ATP2B4: variants seen among roughly 807,000 people sequenced by gnomAD.
ATP2B4 encodes ATPase plasma membrane Ca2+ transporting 4, also known as plasma membrane calcium-transporting ATPase 4.
ATP2B4 carries 39 observed loss-of-function variants against 110.3 expected under a neutral mutation model. The ratio of observed to expected loss-of-function variants is 0.35; its 90% CI spans 0.27 to 0.46. ATP2B4 has a LOEUF of 0.46. ATP2B4 is among the 20% of genes least tolerant of loss of function. ATP2B4 has a pLI of 1.00. For synonymous variants in ATP2B4, 538 were observed against 571.7 expected (o/e 0.94, Z 0.84); for missense variants, 1,135 against 1,530.9 (o/e 0.74, Z 4.32).
At chr1:203,710,686 C>G (rs1422749500) in intron 11 of ATP2B4, among the ~76,000 whole-genome samples, 191 bp from the exon 12 acceptor site, 1 of 152,314 alleles carries the variant, frequency 6.6e-6, no homozygotes, top group South Asian at 2.1e-4. Flanking sequence ...ATATCTAGAC[C>G]TTAACTCCAT....
intron 20 of ATP2B4, among the ~76,000 whole-genome samples, chr1:203,733,047 T>G (rs1177517009): frequency 6.6e-6 from 1 of 151,614 alleles, no homozygotes; most frequent in East Asian, 1.9e-4. Context: ...GTTTTTCTCC[T>G]TCTCCTCACC....
chr1:203,655,647 A>G (rs960068326), intron 1 of ATP2B4, among the ~76,000 whole-genome samples: 1 of 151,628 alleles, frequency 6.6e-6, no homozygotes, highest in African/African-American at 2.4e-5. Context: ...CTCCATCTCA[A>G]ATAATAATAA....
At chr1:203,677,255 T>C (rs1664855621) in intron 1 of ATP2B4, among the ~76,000 whole-genome samples, 1 of 152,136 alleles carries the variant, frequency 6.6e-6, no homozygotes, top group Admixed American at 6.5e-5. Flanking sequence ...GGTATGTACA[T>C]AATTTCTAAT....
In ATP2B4 at chr1:203,689,709, C is replaced by T. The variant is rs546854954; in HGVS notation, c.193+6311C>T. Reference sequence around the variant, plus strand: ...TAGGTGCTAGGGACACAAGGGTGAACATGACAGGTGCAGTGCCTCCTTCCA... The same window carrying T: ...TAGGTGCTAGGGACACAAGGGTGAATATGACAGGTGCAGTGCCTCCTTCCA... On this transcript the variant is annotated intron_variant, in intron 2 of 20. Coordinates refer to ENST00000357681, the MANE Select transcript of ATP2B4 (RefSeq NM_001684.5). Among the ~76,000 whole-genome samples, 3 of 152,324 alleles carry T rather than the reference C, an allele frequency of 2.0e-5. No homozygotes were observed. In the South Asian group the frequency reaches 6.2e-4, roughly 32 times the overall value.
At chr1:203,719,693 C>T (rs1666264731) in intron 15 of ATP2B4, among the ~76,000 whole-genome samples, 1 of 149,242 alleles carries the variant, frequency 6.7e-6, no homozygotes, top group African/African-American at 2.6e-5. Context: ...CCAGCCTGGG[C>T]AACAGAGGGA....
At chr1:203,663,650 G>T (rs188991672) in intron 1 of ATP2B4, among the ~76,000 whole-genome samples, 12 of 150,264 alleles carry the variant, frequency 8.0e-5, no homozygotes, top group African/African-American at 2.9e-4. Flanking sequence ...CTGTCACCAT[G>T]CTAGAGTGCA....
intron 17 of ATP2B4, among the ~76,000 whole-genome samples, chr1:203,721,660 T>A (rs1174254818): frequency 7.4e-6 from 1 of 135,562 alleles, no homozygotes; most frequent in Non-Finnish European, 1.5e-5. Flanking sequence ...CTTTCTTTTT[T>A]TTTTTTTTTT....
intron 2 of ATP2B4, among the ~76,000 whole-genome samples, chr1:203,694,362 G>A (rs1323736021): frequency 2.6e-5 from 4 of 152,202 alleles, no homozygotes; most frequent in Middle Eastern, 3.2e-3. Context: ...TGAGCAGGAT[G>A]AGGGGGATCA....
chr1:203,683,299 C>T lies in ATP2B4; in HGVS notation c.94C>T (p.Leu32Phe). 1 of 1,614,224 alleles carries T rather than the reference C, an allele frequency of 6.2e-7. No individual in the cohort carries two copies. The highest frequency in any genetic ancestry group is 8.5e-7 in the Non-Finnish European group (1 of 1,180,046). ...FGCTVMELRKLMELRSRDALT... is the reference protein window; with the variant it reads ...FGCTVMELRKFMELRSRDALT... ...CTGCACAGTAATGGAACTGAGGAAG[C>T]TCATGGAGCTGCGTTCAAGGGATGC... Residue 32 changes from leucine (L) to phenylalanine (F), a missense_variant, in exon 2 of 21, where the codon CTC (leucine) becomes TTC (phenylalanine). By Grantham distance (22) the Leu-to-Phe change is conservative (BLOSUM62 0). Around this residue, in one of 9 missense-constraint regions of ATP2B4, gnomAD observed 122 missense variants for 125.2 expected, o/e 0.97. Transcript: ENST00000357681.
chr1:203,658,042 C>T (rs537457475), intron 1 of ATP2B4, among the ~76,000 whole-genome samples: 53 of 152,202 alleles, frequency 3.5e-4, no homozygotes, highest in African/African-American at 1.1e-3. Flanking sequence ...TTAAGGTAGT[C>T]ACATTGTGTT....
rs181949770 is a variant in ATP2B4 at position 203,660,885 on chromosome 1, C to T, written c.-464-21857C>T. Among the ~76,000 whole-genome samples the T allele has an allele frequency of 8.5e-3, 1,289 of 151,392 alleles. 11 individuals are homozygous for T. The highest frequency in any genetic ancestry group is 0.022 in the Admixed American group (331 of 15,204). On this transcript the variant is annotated intron_variant, in intron 1 of 20. Coordinates refer to ENST00000357681, the MANE Select transcript of ATP2B4 (RefSeq NM_001684.5). ...CAGCACTTTGGGAGGCCGAGGCAGG[C>T]GGATCACTTGAGGTTAGGAGTTCGA...
intron 19 of ATP2B4, among the ~76,000 whole-genome samples, chr1:203,724,874 T>G (rs954187025): frequency 5.0e-5 from 7 of 141,326 alleles, no homozygotes; most frequent in Admixed American, 2.9e-4. Flanking sequence ...TCTGTTTTTT[T>G]TTTTTTTTTT....
chr1:203,630,231 C>G (rs1663221499), intron 1 of ATP2B4, among the ~76,000 whole-genome samples: 1 of 152,118 alleles, frequency 6.6e-6, no homozygotes, highest in Admixed American at 6.5e-5. Context: ...AACCGGAGGT[C>G]CCGAGAGGAA....
chr1:203,658,660 A>G (rs1400892611), intron 1 of ATP2B4, among the ~76,000 whole-genome samples: 4 of 152,254 alleles, frequency 2.6e-5, no homozygotes, highest in South Asian at 4.1e-4. Flanking sequence ...TGTCTAATTG[A>G]TAGGAATAAA....
chr1:203,741,192 G>A lies in ATP2B4; in HGVS notation c.*1338G>A, dbSNP rs541712586. On this transcript the variant is annotated 3_prime_UTR_variant, in exon 21 of 21. Coordinates refer to ENST00000357681, the MANE Select transcript of ATP2B4 (RefSeq NM_001684.5). ...TTTTGAAAATATGTATCCAAAGTGG[G>A]AGGCCCCTGTGACATTTTGCCAACT... The A allele has an allele frequency of 6.6e-6, 1 of 152,476 alleles. No homozygotes were observed. The highest frequency in any genetic ancestry group is 1.5e-5 in the Non-Finnish European group (1 of 68,018). 9.4% of individuals were successfully genotyped at this position (152,476 alleles called of 1,614,324 possible).
chr1:203,720,812 G>A (rs968982696), intron 16 of ATP2B4, 72 bp downstream of exon 16: 31 of 1,498,930 alleles, frequency 2.1e-5, no homozygotes, highest in Middle Eastern at 2.1e-4. Context: ...TGAAGACTAC[G>A]GTGTGTTTAC....
At position 203,734,598 on chromosome 1, in the gene ATP2B4, C is replaced by T. The variant is rs937817847; in HGVS notation, c.3310-4948C>T. Among the ~76,000 whole-genome samples, 5 of 150,896 alleles carry T rather than the reference C, an allele frequency of 3.3e-5. No homozygotes were observed. In the East Asian group the frequency reaches 5.9e-4, roughly 18 times the overall value. ...GTGCGTGCCTGTAATCCCAGCTACT[C>T]GGGAGGCTGAGGCGGGAGAATCACT... On this transcript the variant is annotated intron_variant, in intron 20 of 20. Coordinates refer to ENST00000357681, the MANE Select transcript of ATP2B4 (RefSeq NM_001684.5).
At chr1:203,726,045 G>A (rs538406908) in intron 19 of ATP2B4, among the ~76,000 whole-genome samples, 1 of 137,298 alleles carries the variant, frequency 7.3e-6, no homozygotes, top group East Asian at 2.1e-4. Context: ...GGCCAACATG[G>A]TGAAACCCTG....
At chr1:203,723,741 C>G in intron 18 of ATP2B4, 140 bp from the exon 19 acceptor site, 1 of 621,990 alleles carries the variant, frequency 1.6e-6, no homozygotes, top group Non-Finnish European at 2.7e-6. Flanking sequence ...TTCTTCTTTT[C>G]CCTTCCCCTG....
Sources: allele counts gnomAD v4.1 joint callset (sites outside exome capture counted in the v4.1 genomes callset), GRCh38; gene constraint gnomAD v4.1.1; regional missense constraint gnomAD v4.1.1; transcripts MANE v1.5; gene names NCBI Gene and HGNC (gene_info 2026-07-23, HGNC 2026-07-21).